The following TBCD variants were observed in gnomAD, a reference collection of about 807,000 sequenced individuals.
TBCD encodes the protein tubulin-specific chaperone D.
TBCD carries 105 observed loss-of-function variants against 169.3 expected under a neutral mutation model. The ratio of observed to expected loss-of-function variants is 0.62; its 90% CI spans 0.53 to 0.73. The LOEUF (loss-of-function observed/expected upper bound fraction) is 0.73, where lower values mean the gene tolerates loss of function less well. Among genes scored for constraint, TBCD ranks in the 30% least tolerant of loss-of-function variants. The pLI is 0.00. For synonymous variants in TBCD, 700 were observed against 643.9 expected (o/e 1.09, Z -1.32); for missense variants, 1,444 against 1,600.1 (o/e 0.90, Z 1.66).
chr17:82,824,273 C>A (rs548324975), intron 13 of TBCD, among the ~76,000 whole-genome samples: 173 of 151,672 alleles, frequency 1.1e-3, no homozygotes, highest in Non-Finnish European at 2.0e-3. Flanking sequence ...GCTCCGCCTC[C>A]CAGGTTCACG....
rs1249085408 is a variant in TBCD at position 82,942,843 on chromosome 17, G to C, written c.*380G>C. On this transcript the variant is annotated 3_prime_UTR_variant, in exon 39 of 39. Coordinates refer to ENST00000355528, the MANE Select transcript of TBCD (RefSeq NM_005993.5). The stretch of plus-strand genomic sequence containing the variant: ...CCCCTTCTTGCCTGGTGCTGTCCCT[G>C]CTGTGGGAGACGTCTGGCCACAGGC... The C allele has an allele frequency of 3.0e-6, 1 of 330,854 alleles. No individual in the cohort carries two copies. The highest frequency in any genetic ancestry group is 5.6e-6 in the Non-Finnish European group (1 of 179,654). 20.5% of individuals were successfully genotyped at this position (330,854 alleles called of 1,614,324 possible). A position where few individuals can be genotyped will look rare whatever the true frequency, so the allele number is the denominator to read the frequency against.
intron 13 of TBCD, among the ~76,000 whole-genome samples, chr17:82,846,714 G>A (rs556537283): frequency 3.9e-5 from 6 of 152,324 alleles, no homozygotes; most frequent in Admixed American, 3.9e-4. Context: ...GCCCAGGAGC[G>A]GGTCACAGCC....
chr17:82,920,842 CAGT>C lies in TBCD; in HGVS notation c.2101+226_2101+228del, dbSNP rs773201664. Reference sequence around the variant, plus strand: ...GGAGGGCCCTTCCCCGCCGTCACCTCAGTACCCCCACCTCCTCGCTTCCATGCC... The same window carrying C: ...GGAGGGCCCTTCCCCGCCGTCACCTCACCCCCACCTCCTCGCTTCCATGCC... On this transcript the variant is annotated intron_variant, in intron 24 of 38. Transcript: ENST00000355528. The surrounding 1 kb of genome is among the most constrained non-coding windows in gnomAD (Gnocchi z 4.1). Among the ~76,000 whole-genome samples the C allele has an allele frequency of 1.6e-4, 24 of 152,326 alleles. No homozygotes were observed. Among genetic ancestry groups the C allele is most frequent in the Non-Finnish European group, 2.8e-4 (19 of 68,026 alleles).
At chr17:82,786,420 GTGC>G (rs2049322268) in intron 7 of TBCD, among the ~76,000 whole-genome samples, 1 of 152,204 alleles carries the variant, frequency 6.6e-6, no homozygotes, top group East Asian at 1.9e-4. Flanking sequence ...CCGAGTGTGG[GTGC>G]TGCTTTGGGA....
At chr17:82,807,848 G>A (rs964249461) in intron 11 of TBCD, among the ~76,000 whole-genome samples, 180 bp downstream of exon 11, 2 of 152,348 alleles carry the variant, frequency 1.3e-5, no homozygotes, top group Admixed American at 1.3e-4. Flanking sequence ...CGGAGCTTCG[G>A]TCTCCTCCGT....
intron 13 of TBCD, among the ~76,000 whole-genome samples, chr17:82,843,867 C>T (rs545029759): frequency 7.8e-4 from 119 of 152,324 alleles, no homozygotes; most frequent in African/African-American, 2.8e-3. Flanking sequence ...CCCACCCAGA[C>T]CGTGGCAACT....
chr17:82,770,159 C>T (rs911725396), intron 5 of TBCD, among the ~76,000 whole-genome samples: 2 of 152,336 alleles, frequency 1.3e-5, no homozygotes, highest in African/African-American at 2.4e-5. Context: ...CCTTTTTACC[C>T]TCAGCAACAC....
At chr17:82,756,073 T>G in intron 1 of TBCD, 92 bp from the exon 2 acceptor site, 4 of 1,150,890 alleles carry the variant, frequency 3.5e-6, no homozygotes, top group Non-Finnish European at 5.1e-6. Flanking sequence ...GGAGCTGCCC[T>G]GTGGAAGCTA....
At chr17:82,764,613 C>G (rs2047932601) in intron 3 of TBCD, among the ~76,000 whole-genome samples, 1 of 152,190 alleles carries the variant, frequency 6.6e-6, no homozygotes, top group African/African-American at 2.4e-5. Context: ...CTGTTGCACT[C>G]CAGCCTGAGT....
chr17:82,939,192 C>A, intron 36 of TBCD, 175 bp from the exon 37 acceptor site: 2 of 642,066 alleles, frequency 3.1e-6, no homozygotes, highest in South Asian at 1.7e-5. Context: ...GGTTAATGGG[C>A]CTGGAAGGCA....
Position 82,925,928 on chromosome 17 carries a change from C to T in TBCD, c.2380-472C>T, listed in dbSNP as rs540332400. ...TGGCCGTGGAGAGGCTGGAGGTGAC[C>T]TCTCCCCGGGTGTCCTTCCTGGGTT... On this transcript the variant is annotated intron_variant, in intron 27 of 38. Coordinates refer to ENST00000355528, the MANE Select transcript of TBCD (RefSeq NM_005993.5). 3.1e-3 allele frequency among the ~76,000 whole-genome samples: 440 copies of T among 144,222 alleles called. 7 individuals are homozygous for T. The highest frequency in any genetic ancestry group is 0.016 in the Admixed American group (197 of 12,402). 94.6% of individuals were successfully genotyped at this position (144,222 alleles called of 152,430 possible).
intron 2 of TBCD, among the ~76,000 whole-genome samples, chr17:82,760,898 T>TC (rs2047718256): frequency 6.6e-6 from 1 of 152,264 alleles, no homozygotes; most frequent in African/African-American, 2.4e-5. Flanking sequence ...CTGGCTTTTT[T>TC]CACTTAGCAT....
intron 13 of TBCD, among the ~76,000 whole-genome samples, chr17:82,849,927 T>G (rs1381885603): frequency 0.017 from 1,417 of 84,274 alleles, 2 homozygotes; most frequent in Non-Finnish European, 0.023. Flanking sequence ...TGTTGGCTGT[T>G]TTGCTGTTGG....
chr17:82,766,405 C>G (rs201991084), intron 4 of TBCD, 37 bp downstream of exon 4: 4 of 1,510,628 alleles, frequency 2.6e-6, no homozygotes, highest in Non-Finnish European at 2.7e-6. Context: ...CTCCAGCCCT[C>G]CGTGCCTGTC....
intron 38 of TBCD, 169 bp downstream of exon 38, chr17:82,941,652 C>A: frequency 1.6e-6 from 1 of 642,192 alleles, no homozygotes; most frequent in Non-Finnish European, 2.6e-6. Context: ...CCTTCTCTGG[C>A]CACTGCCCAC....
chr17:82,939,599 C>A, intron 37 of TBCD, 123 bp downstream of exon 37: 1 of 756,932 alleles, frequency 1.3e-6, no homozygotes, highest in Non-Finnish European at 2.2e-6. Context: ...GTTCCCAGGT[C>A]TCCACATCCT....
intron 13 of TBCD, among the ~76,000 whole-genome samples, chr17:82,861,864 A>G (rs1161284075): frequency 6.6e-6 from 1 of 152,048 alleles, no homozygotes; most frequent in Non-Finnish European, 1.5e-5. Context: ...TTCATAGAGA[A>G]CGTTTAAAAT....
rs559829482 is a variant in TBCD, at chr17:82,823,177, C to T, written c.1318+8243C>T. Among the ~76,000 whole-genome samples the T allele has an allele frequency of 9.8e-5, 15 of 152,312 alleles. 1 individual carries two copies. The South Asian group carries it at 1.7e-3, about 17-fold the overall frequency. ...TGGTAGAGCCGTTGGGGCTCAGTGC[C>T]GAGGCTGGCTCAGGCTCTTGTGGGG... On this transcript the variant is annotated intron_variant, in intron 13 of 38. Coordinates refer to ENST00000355528, the MANE Select transcript of TBCD (RefSeq NM_005993.5).
intron 14 of TBCD, among the ~76,000 whole-genome samples, chr17:82,882,437 T>C (rs2146214134): frequency 6.6e-6 from 1 of 152,242 alleles, no homozygotes. Flanking sequence ...GGGGGACAAG[T>C]GCTCTCTCTG....
Sources: allele counts gnomAD v4.1 joint callset (sites outside exome capture counted in the v4.1 genomes callset), GRCh38; gene constraint gnomAD v4.1.1; non-coding constraint Gnocchi (gnomAD v3.1); transcripts MANE v1.5; gene names NCBI Gene and HGNC (gene_info 2026-07-23, HGNC 2026-07-21).